Variants in EPB41L5 observed in about 807,000 individuals in gnomAD.
EPB41L5 encodes the protein band 4.1-like protein 5.
A neutral mutation model predicts 106.6 loss-of-function variants in EPB41L5; 55 were observed. That is an observed-to-expected ratio of 0.52 (90% CI 0.42 to 0.65). The LOEUF is 0.65. Ranked by LOEUF, EPB41L5 falls within the 30% of genes least tolerant of loss-of-function variation. The probability of loss-of-function intolerance (pLI) is 0.00; values close to 1 mark genes in which losing one functional copy is unlikely to be tolerated. For synonymous variants in EPB41L5, 297 were observed against 306.7 expected, an observed-to-expected ratio of 0.97 and a Z score of 0.33; for missense variants, 871 against 882.1, an observed-to-expected ratio of 0.99 and a Z score of 0.16.
chr2:120,036,516 G>A (rs747549199), intron 2 of EPB41L5, among the ~76,000 whole-genome samples: 3 of 152,220 alleles, frequency 2.0e-5, no homozygotes, highest in East Asian at 1.9e-4. Context: ...ACAAATGAGC[G>A]CAAGCACCTC....
At chr2:120,146,980 T>C (rs1686433528) in intron 20 of EPB41L5, among the ~76,000 whole-genome samples, 1 of 152,204 alleles carries the variant, frequency 6.6e-6, no homozygotes, top group Admixed American at 6.5e-5. Flanking sequence ...GCACTTTATA[T>C]TATAATAGTT....
chr2:120,100,342 T>C, intron 15 of EPB41L5, 56 bp downstream of exon 15: 1 of 1,505,028 alleles, frequency 6.6e-7, no homozygotes, highest in Non-Finnish European at 9.2e-7. Context: ...ATGGTAACAG[T>C]AGTAGTATTG....
chr2:120,061,324 G>A (rs1438090711), intron 3 of EPB41L5, among the ~76,000 whole-genome samples: 2 of 147,924 alleles, frequency 1.4e-5, no homozygotes, highest in African/African-American at 5.0e-5. Context: ...CCGGGTTCAC[G>A]CCATTCTCCT....
intron 9 of EPB41L5, among the ~76,000 whole-genome samples, chr2:120,078,089 C>T (rs1682382203): frequency 1.3e-5 from 2 of 152,132 alleles, no homozygotes; most frequent in African/African-American, 2.4e-5. Context: ...TCCCACCAGG[C>T]CCCTCCTCCA....
At chr2:120,102,392 G>A (rs527968497) in intron 16 of EPB41L5, among the ~76,000 whole-genome samples, 2 of 152,254 alleles carry the variant, frequency 1.3e-5, no homozygotes, top group South Asian at 4.1e-4. Context: ...ATAGAGTAAA[G>A]TGATGCTCTT....
chr2:120,153,227 C>T (rs1486128294), intron 20 of EPB41L5, among the ~76,000 whole-genome samples: 1 of 151,774 alleles, frequency 6.6e-6, no homozygotes, highest in African/African-American at 2.4e-5. Context: ...TCTAATTTCC[C>T]TTGTGATTTC....
At chr2:120,028,976 T>G in intron 2 of EPB41L5, among the ~76,000 whole-genome samples, 2 of 152,166 alleles carry the variant, frequency 1.3e-5, no homozygotes, top group East Asian at 3.9e-4. Flanking sequence ...TTACAGTCCC[T>G]TGCACATAGT....
At chr2:120,146,318 T>G (rs756703398) in intron 20 of EPB41L5, 29 bp downstream of exon 20, 115 of 1,520,594 alleles carry the variant, frequency 7.6e-5, no homozygotes, top group Non-Finnish European at 9.6e-5. Context: ...TGAATTAAAT[T>G]GATGTTCTTA....
intron 18 of EPB41L5, among the ~76,000 whole-genome samples, chr2:120,142,611 C>G (rs1481976305): frequency 1.3e-5 from 2 of 152,060 alleles, no homozygotes; most frequent in Non-Finnish European, 2.9e-5. Flanking sequence ...TAGTAAAGGA[C>G]CAGATAGTAA....
At chr2:120,153,793 C>T (rs1267421575) in intron 20 of EPB41L5, among the ~76,000 whole-genome samples, 2 of 152,074 alleles carry the variant, frequency 1.3e-5, no homozygotes, top group African/African-American at 4.8e-5. Flanking sequence ...GTCTATTTGT[C>T]TGATATTAGT....
chr2:120,160,641 CTAT>C, intron 20 of EPB41L5: 1 of 447,338 alleles, frequency 2.2e-6, no homozygotes, highest in East Asian at 3.9e-5. Flanking sequence ...GTTACCCTTT[CTAT>C]GGGTCCTCAC....
chr2:120,075,024 C>T (rs200481382), intron 5 of EPB41L5, among the ~76,000 whole-genome samples: 11 of 152,264 alleles, frequency 7.2e-5, no homozygotes, highest in African/African-American at 9.6e-5. Context: ...GACGGGGTTT[C>T]GCCATGTTGG....
intron 22 of EPB41L5, among the ~76,000 whole-genome samples, chr2:120,166,685 C>T (rs1435623878): frequency 6.6e-6 from 1 of 152,226 alleles, no homozygotes; most frequent in Non-Finnish European, 1.5e-5. Context: ...ATCTGCCCAC[C>T]TCGCCCTCTC....
At chr2:120,134,318 A>G (rs988234040) in intron 18 of EPB41L5, among the ~76,000 whole-genome samples, 17 of 152,150 alleles carry the variant, frequency 1.1e-4, no homozygotes, top group African/African-American at 4.1e-4. Flanking sequence ...TCCAGGCCCT[A>G]GCTCCTTAGA....
intron 24 of EPB41L5, among the ~76,000 whole-genome samples, chr2:120,171,530 CAA>C (rs1687673060): frequency 6.6e-6 from 1 of 152,220 alleles, no homozygotes; most frequent in Non-Finnish European, 1.5e-5. Context: ...AAGACTAACT[CAA>C]AGTCCACACA....
chr2:120,124,041 G>A (rs1488895380), intron 16 of EPB41L5, among the ~76,000 whole-genome samples: 6 of 152,170 alleles, frequency 3.9e-5, no homozygotes, highest in Non-Finnish European at 1.5e-5. Context: ...GAGGAAAGGG[G>A]GCGAAGACTT....
At chr2:120,026,817 AAAGTATTTGC>A (rs1272908853) in intron 2 of EPB41L5, among the ~76,000 whole-genome samples, 1 of 152,222 alleles carries the variant, frequency 6.6e-6, no homozygotes, top group African/African-American at 2.4e-5. Flanking sequence ...AGAATAAGAG[AAAGTATTTGC>A]AAATTATATA....
At position 120,175,167 on chromosome 2, in the gene EPB41L5, G is replaced by A. The variant is rs1056991507; in HGVS notation, c.*260G>A. ...TAAATGTTACAAATTCCCGAAAGAAGGGAATTTCTTTTTCTGGGGTTTCCT... is the reference window on the plus strand; with the variant it reads ...TAAATGTTACAAATTCCCGAAAGAAAGGAATTTCTTTTTCTGGGGTTTCCT... On this transcript the variant is annotated 3_prime_UTR_variant, in exon 25 of 25. Transcript: ENST00000263713. The A allele has an allele frequency of 2.3e-6, 1 of 439,556 alleles. No individual in the cohort carries two copies. The highest frequency in any genetic ancestry group is 2.0e-5 in the African/African-American group (1 of 51,034). The allele number at this position is 439,556 out of a possible 1,614,324, so 27.2% of individuals were successfully genotyped here.
intron 12 of EPB41L5, among the ~76,000 whole-genome samples, chr2:120,090,870 G>T (rs2105366933): frequency 6.6e-6 from 1 of 152,212 alleles, no homozygotes; most frequent in Admixed American, 6.5e-5. Flanking sequence ...TATTAGTCTG[G>T]ATAACATTTG....
Sources: gnomAD v4.1 joint callset for allele counts (sites outside exome capture counted in the v4.1 genomes callset) on GRCh38, gnomAD v4.1.1 for gene constraint, MANE v1.5 for transcripts, NCBI Gene and HGNC (gene_info 2026-07-23, HGNC 2026-07-21) for gene names.